CALD1: variants seen among roughly 807,000 people sequenced by gnomAD.
CALD1 encodes the protein caldesmon.
In CALD1, 33 loss-of-function variants were observed where a neutral mutation model predicts 99.9. The observed-to-expected ratio is 0.33, with a 90% CI of 0.25 to 0.44. The LOEUF is 0.44. CALD1 is among the 20% of genes least tolerant of loss of function. CALD1 has a pLI of 1.00. For synonymous variants in CALD1, 310 were observed against 325.0 expected (o/e 0.95, Z 0.50); for missense variants, 861 against 962.1 (o/e 0.89, Z 1.39).
chr7:134,891,706 CTTTCT>C (rs769081176), intron 3 of CALD1: 2 of 1,408,192 alleles, frequency 1.4e-6, no homozygotes, highest in Admixed American at 2.4e-5. Flanking sequence ...TGGTTTTTTC[CTTTCT>C]TTTTTTTTTT....
chr7:134,723,400 A>C, the CALD1 span, among the ~76,000 whole-genome samples: 1 of 152,148 alleles, frequency 6.6e-6, no homozygotes, highest in Non-Finnish European at 1.5e-5. Context: ...ATTGAGTTAG[A>C]AATAAGGTAG....
At chr7:134,947,919 T>TA (rs1447354406) in intron 8 of CALD1, 150 bp downstream of exon 8, 1 of 935,036 alleles carries the variant, frequency 1.1e-6, no homozygotes, top group East Asian at 2.6e-5. Flanking sequence ...CTTGTAGATG[T>TA]ATTAATTTGT....
chr7:134,755,732 GT>G (rs2131578181), intron 1 of CALD1, among the ~76,000 whole-genome samples: 2 of 152,178 alleles, frequency 1.3e-5, no homozygotes, highest in East Asian at 3.9e-4. Context: ...TTTTACTTGT[GT>G]TATTTTTCAC....
chr7:134,929,045 G>A (rs1805284276), intron 4 of CALD1, 145 bp downstream of exon 4: 1 of 688,202 alleles, frequency 1.5e-6, no homozygotes. Flanking sequence ...AGTCATTTTA[G>A]GCAACTAATC....
chr7:134,726,443 AT>A, the CALD1 span, among the ~76,000 whole-genome samples: 25 of 36,680 alleles, frequency 6.8e-4, no homozygotes, highest in East Asian at 0.092. Context: ...ATATAGCTTT[AT>A]ATATATAATA....
chr7:134,872,661 T>C (rs1337387879), intron 3 of CALD1, among the ~76,000 whole-genome samples: 1 of 152,168 alleles, frequency 6.6e-6, no homozygotes, highest in East Asian at 1.9e-4. Context: ...TTAGTAACTT[T>C]AGAGCAATCG....
chr7:134,806,722 G>A (rs1798153651), intron 1 of CALD1, among the ~76,000 whole-genome samples: 1 of 152,154 alleles, frequency 6.6e-6, no homozygotes, highest in South Asian at 2.1e-4. Flanking sequence ...CGGTTTGCTT[G>A]TGTGTATATT....
At chr7:134,730,375 A>G in the CALD1 span, among the ~76,000 whole-genome samples, 96 of 152,308 alleles carry the variant, frequency 6.3e-4, no homozygotes, top group African/African-American at 2.1e-3. Context: ...CAGACCAGGG[A>G]CTGGTGGAGG....
At chr7:134,956,235 G>A (rs1326452836) in intron 9 of CALD1, among the ~76,000 whole-genome samples, 1 of 150,348 alleles carries the variant, frequency 6.7e-6, no homozygotes, top group East Asian at 1.9e-4. Flanking sequence ...GAGGAAGCAT[G>A]TTTTCAAAAA....
intron 3 of CALD1, chr7:134,891,370 A>G (rs62479555): frequency 0.034 from 42,426 of 1,240,476 alleles, 771 homozygotes; most frequent in Middle Eastern, 0.042. Flanking sequence ...AAAAATAACA[A>G]TCAGCTCTCT....
At chr7:134,916,729 C>T (rs1041817169) in intron 3 of CALD1, among the ~76,000 whole-genome samples, 3 of 152,162 alleles carry the variant, frequency 2.0e-5, no homozygotes, top group South Asian at 2.1e-4. Flanking sequence ...ATTTTCCAAT[C>T]GCTTTATGTC....
chr7:134,781,453 A>G lies in CALD1; in HGVS notation c.-130+1704A>G, dbSNP rs183034893. ...CCATAAAAACACTCATTTTTTTCCA[A>G]GTAACACTTTAGGTGTTCTGCTGTT... On this transcript the variant is annotated intron_variant, in intron 1 of 14. Transcript: ENST00000361675. Among the ~76,000 whole-genome samples, 339 of 152,172 alleles carry G rather than the reference A, an allele frequency of 2.2e-3. 2 individuals are homozygous for G. The highest frequency in any genetic ancestry group is 7.9e-3 in the African/African-American group (326 of 41,510).
intron 8 of CALD1, 64 bp from the exon 9 acceptor site, chr7:134,950,310 A>G: frequency 6.5e-7 from 1 of 1,549,998 alleles, no homozygotes; most frequent in East Asian, 2.3e-5. Flanking sequence ...TCTCTCCTAC[A>G]GCACTCTTCC....
chr7:134,917,570 G>A (rs531589425), intron 3 of CALD1, among the ~76,000 whole-genome samples: 1 of 152,154 alleles, frequency 6.6e-6, no homozygotes, highest in South Asian at 2.1e-4. Flanking sequence ...GGCTGGTCTC[G>A]AACTCCTGAC....
chr7:134,751,664 G>GA (rs11417362), intron 1 of CALD1, among the ~76,000 whole-genome samples: 101,047 of 151,838 alleles, frequency 0.67, 34,251 homozygotes, highest in East Asian at 0.99. Context: ...ATTGTTGGTA[G>GA]AAAAAATGAT....
chr7:134,912,704 T>C (rs1372335980), intron 3 of CALD1, among the ~76,000 whole-genome samples: 1 of 152,192 alleles, frequency 6.6e-6, no homozygotes, highest in Non-Finnish European at 1.5e-5. Context: ...CTTGGAAACA[T>C]TTTCTAATGT....
intron 1 of CALD1, among the ~76,000 whole-genome samples, chr7:134,787,095 A>C (rs138861802): frequency 3.0e-4 from 46 of 152,312 alleles, no homozygotes; most frequent in African/African-American, 1.1e-3. Flanking sequence ...TATTCCTCAG[A>C]AGCCTATTTC....
chr7:134,765,309 G>A (rs868235659), intron 1 of CALD1, among the ~76,000 whole-genome samples: 3 of 146,910 alleles, frequency 2.0e-5, no homozygotes, highest in Admixed American at 6.7e-5. Context: ...GCAAGACTCC[G>A]TCTCGGAAAA....
the CALD1 span, among the ~76,000 whole-genome samples, chr7:134,728,971 C>G: frequency 6.6e-6 from 1 of 151,600 alleles, no homozygotes; most frequent in Non-Finnish European, 1.5e-5. Flanking sequence ...GGTGCCTCAG[C>G]CTCCTGAGTA....
Sources: allele counts gnomAD v4.1 joint callset (sites outside exome capture counted in the v4.1 genomes callset), GRCh38; gene constraint gnomAD v4.1.1; transcripts MANE v1.5; gene names NCBI Gene and HGNC (gene_info 2026-07-23, HGNC 2026-07-21).